KLRG1: variants seen among roughly 807,000 people sequenced by gnomAD.
KLRG1 encodes killer cell lectin like receptor G1.
A neutral mutation model predicts 21.8 loss-of-function variants in KLRG1; 16 were observed. That is an observed-to-expected ratio of 0.73 (90% CI 0.50 to 1.11). KLRG1 has a LOEUF of 1.11. KLRG1 is among the 50% of genes most tolerant of loss of function. The probability of loss-of-function intolerance (pLI) is 0.00; values close to 1 mark genes in which losing one functional copy is unlikely to be tolerated. For missense variants in KLRG1, 173 were observed against 218.3 expected, an observed-to-expected ratio of 0.79 and a Z score of 1.31; for synonymous variants, 69 against 75.9, an observed-to-expected ratio of 0.91 and a Z score of 0.47.
chr12:9,079,338 A>G, the KLRG1 span: 2 of 1,612,946 alleles, frequency 1.2e-6, no homozygotes, highest in Non-Finnish European at 1.7e-6. Context: ...TAACCTGGAA[A>G]GGAAGATTAA....
the KLRG1 span, among the ~76,000 whole-genome samples, chr12:9,195,764 AT>A: frequency 1.3e-5 from 2 of 151,504 alleles, no homozygotes; most frequent in Non-Finnish European, 2.9e-5. Context: ...AAATGTCTCA[AT>A]TTACTAATTA....
the KLRG1 span, chr12:9,091,239 T>C: frequency 6.2e-7 from 1 of 1,614,074 alleles, no homozygotes; most frequent in African/African-American, 1.3e-5. Context: ...ACCGTGGCCT[T>C]GAGTGTGAAG....
At chr12:8,972,057 G>A (rs964670944) in intron 1 of KLRG1, among the ~76,000 whole-genome samples, 3 of 152,098 alleles carry the variant, frequency 2.0e-5, no homozygotes, top group East Asian at 1.9e-4. Flanking sequence ...TGCTTTTGGT[G>A]TTACATCCAA....
At chr12:9,112,101 A>G in the KLRG1 span, 5 of 1,568,104 alleles carry the variant, frequency 3.2e-6, no homozygotes, top group African/African-American at 2.7e-5. Context: ...AGCACAAAAA[A>G]CAGGTTCCCA....
chr12:9,164,350 T>C, the KLRG1 span: 1 of 1,385,614 alleles, frequency 7.2e-7, no homozygotes, highest in Non-Finnish European at 9.8e-7. Flanking sequence ...GATGCTGCAG[T>C]AAATTGGGAT....
chr12:9,011,564 G>A (rs1947632339), downstream of KLRG1, among the ~76,000 whole-genome samples: 1 of 152,190 alleles, frequency 6.6e-6, no homozygotes, highest in South Asian at 2.1e-4. Context: ...ACAGGAGGAG[G>A]TGGAGCAAGA....
At chr12:9,065,474 C>T in the KLRG1 span, among the ~76,000 whole-genome samples, 6 of 152,158 alleles carry the variant, frequency 3.9e-5, no homozygotes, top group African/African-American at 1.4e-4. Flanking sequence ...CACAGCCTGG[C>T]CGAGCGTGCA....
chr12:9,035,831 C>A, the KLRG1 span, among the ~76,000 whole-genome samples: 1 of 152,150 alleles, frequency 6.6e-6, no homozygotes, highest in African/African-American at 2.4e-5. Context: ...AAAATAAAAT[C>A]ATATTCTTTG....
chr12:9,118,909 T>C, the KLRG1 span, among the ~76,000 whole-genome samples: 4 of 152,076 alleles, frequency 2.6e-5, no homozygotes, highest in Non-Finnish European at 5.9e-5. Context: ...GTAGAAGATG[T>C]TGATGAAAAG....
chr12:9,162,651 T>G, the KLRG1 span: 1 of 1,587,252 alleles, frequency 6.3e-7, no homozygotes, highest in East Asian at 2.2e-5. Context: ...CCTTCAGCCT[T>G]GGATGAAAGG....
the KLRG1 span, chr12:9,077,977 C>T: frequency 9.1e-7 from 1 of 1,098,648 alleles, no homozygotes; most frequent in Non-Finnish European, 1.3e-6. Flanking sequence ...ACTTAGAGAG[C>T]TTATCTCCTT....
chr12:9,018,161 C>T, the KLRG1 span, among the ~76,000 whole-genome samples: 9 of 152,032 alleles, frequency 5.9e-5, no homozygotes, highest in Non-Finnish European at 1.3e-4. Context: ...GAAAAATCAA[C>T]ACTATTAAAA....
the KLRG1 span, among the ~76,000 whole-genome samples, chr12:9,166,559 C>T: frequency 2.6e-5 from 4 of 152,112 alleles, no homozygotes; most frequent in Admixed American, 6.5e-5. Flanking sequence ...TTGTAAAATG[C>T]TCTTTAGACA....
chr12:9,206,887 C>T, the KLRG1 span, among the ~76,000 whole-genome samples: 7 of 152,272 alleles, frequency 4.6e-5, no homozygotes, highest in Middle Eastern at 3.4e-3. Context: ...ACCCAATACA[C>T]GCTACTCGCT....
the KLRG1 span, chr12:9,192,055 CA>C: frequency 1.4e-6 from 1 of 691,372 alleles, no homozygotes; most frequent in Admixed American, 2.4e-5. Flanking sequence ...GCCAAAGAGT[CA>C]TAAGACGAGT....
At chr12:9,214,248 G>A in the KLRG1 span, among the ~76,000 whole-genome samples, 1 of 151,924 alleles carries the variant, frequency 6.6e-6, no homozygotes, top group African/African-American at 2.4e-5. Flanking sequence ...TGTGTGGTAA[G>A]TTTCAAAATT....
At chr12:8,978,701 T>TTC (rs1267096415) in intron 1 of KLRG1, among the ~76,000 whole-genome samples, 1 of 150,418 alleles carries the variant, frequency 6.6e-6, no homozygotes, top group Non-Finnish European at 1.5e-5. Flanking sequence ...TTTCTTTCTT[T>TTC]TCTCTCTCTC....
At chr12:9,170,203 C>G in the KLRG1 span, 1 of 152,078 alleles carries the variant, frequency 6.6e-6, no homozygotes, top group Non-Finnish European at 1.5e-5. The surrounding 1 kb of genome is among the most constrained non-coding windows in gnomAD (Gnocchi z 4.6). Flanking sequence ...GAACCCCCAC[C>G]CCCAGCCAAG....
At chr12:9,052,013 C>G in the KLRG1 span, among the ~76,000 whole-genome samples, 1 of 152,152 alleles carries the variant, frequency 6.6e-6, no homozygotes, top group African/African-American at 2.4e-5. Context: ...GTTGGGGAGC[C>G]CTGCAAATCT....
Sources: gnomAD v4.1 joint callset for allele counts (sites outside exome capture counted in the v4.1 genomes callset) on GRCh38, gnomAD v4.1.1 for gene constraint, Gnocchi (gnomAD v3.1) non-coding constraint, MANE v1.5 for transcripts, NCBI Gene and HGNC (gene_info 2026-07-23, HGNC 2026-07-21) for gene names.